Variants in PHACTR1 observed in about 807,000 individuals in gnomAD.
PHACTR1 encodes the protein RPEL repeat containing 1.
In PHACTR1, 16 loss-of-function variants were observed where a neutral mutation model predicts 69.2. That is an observed-to-expected ratio of 0.23 (90% CI 0.16 to 0.35). The LOEUF is 0.35. Among genes scored for constraint, PHACTR1 ranks in the 10% least tolerant of loss-of-function variants. The pLI, the probability that PHACTR1 is intolerant of heterozygous loss-of-function variation, is 1.00. For missense variants in PHACTR1, 510 were observed against 734.7 expected, an observed-to-expected ratio of 0.69 and a Z score of 3.54; for synonymous variants, 312 against 284.5, an observed-to-expected ratio of 1.10 and a Z score of -0.97.
intron 10 of PHACTR1, among the ~76,000 whole-genome samples, chr6:13,241,534 A>G (rs2127374326): frequency 6.6e-6 from 1 of 152,300 alleles, no homozygotes; most frequent in Admixed American, 6.5e-5. Context: ...GCTGGACCTG[A>G]GCTTGAAAGC....
At chr6:12,988,438 G>A (rs1029081744) in intron 4 of PHACTR1, among the ~76,000 whole-genome samples, 12 of 152,136 alleles carry the variant, frequency 7.9e-5, no homozygotes, top group African/African-American at 2.7e-4. Flanking sequence ...GTATTGAAGC[G>A]GAGGCTCCCC....
chr6:12,870,931 A>T (rs763842685), intron 4 of PHACTR1, among the ~76,000 whole-genome samples: 1 of 152,214 alleles, frequency 6.6e-6, no homozygotes, highest in Non-Finnish European at 1.5e-5. Flanking sequence ...AAAGTAGTTA[A>T]TCCTCATACT....
intron 4 of PHACTR1, among the ~76,000 whole-genome samples, chr6:12,958,438 A>T (rs577549650): frequency 4.6e-5 from 7 of 152,314 alleles, no homozygotes; most frequent in African/African-American, 1.7e-4. Flanking sequence ...GGGTTCAGGG[A>T]GAATTTGTGG....
At chr6:13,198,078 C>A (rs1409392776) in intron 7 of PHACTR1, among the ~76,000 whole-genome samples, 2 of 152,200 alleles carry the variant, frequency 1.3e-5, no homozygotes, top group East Asian at 3.8e-4. Flanking sequence ...TGAGTTCCAC[C>A]TTTTCCCGTT....
Position 13,190,198 on chromosome 6 carries a change from A to AT in PHACTR1, c.664+7528dup, listed in dbSNP as rs1215055032. Among the ~76,000 whole-genome samples, 60 of 87,246 alleles carry AT rather than the reference A, an allele frequency of 6.9e-4. 3 individuals are homozygous for AT. Among genetic ancestry groups the AT allele is most frequent in the Middle Eastern group, 0.021 (2 of 94 alleles). 57.2% of individuals were successfully genotyped at this position (87,246 alleles called of 152,430 possible). A position where few individuals can be genotyped will look rare whatever the true frequency, so the allele number is the denominator to read the frequency against. On this transcript the variant is annotated intron_variant, in intron 7 of 14. Transcript: ENST00000332995. Reference sequence around the variant, plus strand: ...GCCACTATGCTCAGCTAATTTTTGTATTTTTTTTTTTTTTTTAGTAGAGGT... The same window carrying AT: ...GCCACTATGCTCAGCTAATTTTTGTATTTTTTTTTTTTTTTTTAGTAGAGGT...
intron 5 of PHACTR1, among the ~76,000 whole-genome samples, chr6:13,084,120 G>A (rs1811876473): frequency 6.6e-6 from 1 of 152,002 alleles, no homozygotes; most frequent in African/African-American, 2.4e-5. Context: ...ACTTGGAACT[G>A]ACCCAAATGT....
At chr6:13,081,157 T>A (rs1420647599) in intron 5 of PHACTR1, among the ~76,000 whole-genome samples, 4 of 152,168 alleles carry the variant, frequency 2.6e-5, no homozygotes, top group African/African-American at 9.7e-5. Context: ...TGGGTTATAG[T>A]AGTAATTGCT....
intron 4 of PHACTR1, among the ~76,000 whole-genome samples, chr6:12,796,195 G>A (rs1370928178): frequency 6.6e-6 from 1 of 152,202 alleles, no homozygotes; most frequent in Non-Finnish European, 1.5e-5. Flanking sequence ...TACAATATTT[G>A]AGTGCCCTTT....
chr6:13,033,252 G>A (rs1285824390), intron 4 of PHACTR1, among the ~76,000 whole-genome samples: 1 of 152,002 alleles, frequency 6.6e-6, no homozygotes, highest in Non-Finnish European at 1.5e-5. Context: ...TTTTTGGCAG[G>A]GCTATGATTT....
intron 4 of PHACTR1, among the ~76,000 whole-genome samples, chr6:13,049,115 G>C (rs9473285): frequency 0.37 from 55,804 of 151,984 alleles, 13,655 homozygotes; most frequent in African/African-American, 0.7. Context: ...ATAATACCCT[G>C]TGTTCCTTGC....
chr6:13,281,503 G>A (rs931666397), intron 12 of PHACTR1: 6 of 321,136 alleles, frequency 1.9e-5, no homozygotes, highest in African/African-American at 8.9e-5. Flanking sequence ...GCAGTGAGCC[G>A]AGATCATTGC....
intron 4 of PHACTR1, among the ~76,000 whole-genome samples, chr6:12,799,185 C>G (rs9472583): frequency 6.6e-6 from 1 of 151,906 alleles, no homozygotes; most frequent in Non-Finnish European, 1.5e-5. Context: ...TGATTCAAAT[C>G]AGTTTTGCTC....
At chr6:13,087,370 A>C (rs935079554) in intron 5 of PHACTR1, among the ~76,000 whole-genome samples, 1 of 151,554 alleles carries the variant, frequency 6.6e-6, no homozygotes, top group African/African-American at 2.4e-5. Context: ...ATTTTATTGT[A>C]TAACCATGAT....
At chr6:12,785,894 C>T (rs543679620) in intron 4 of PHACTR1, among the ~76,000 whole-genome samples, 1 of 152,188 alleles carries the variant, frequency 6.6e-6, no homozygotes, top group Non-Finnish European at 1.5e-5. Context: ...TGTACTCACC[C>T]TATTGCTGAG....
chr6:13,134,561 G>A (rs930769831), intron 5 of PHACTR1, among the ~76,000 whole-genome samples: 1 of 152,040 alleles, frequency 6.6e-6, no homozygotes, highest in Non-Finnish European at 1.5e-5. Flanking sequence ...GGCGGTGCAA[G>A]TTGTGCTTTG....
At chr6:13,025,099 A>T (rs567572082) in intron 4 of PHACTR1, among the ~76,000 whole-genome samples, 6 of 152,058 alleles carry the variant, frequency 3.9e-5, no homozygotes, top group Non-Finnish European at 8.8e-5. Flanking sequence ...CTACAAAAAT[A>T]CAAAAATTAG....
intron 8 of PHACTR1, 39 bp from the exon 9 acceptor site, chr6:13,227,777 C>T: frequency 6.2e-7 from 1 of 1,602,294 alleles, no homozygotes; most frequent in Non-Finnish European, 8.5e-7. Flanking sequence ...AGCACGTTAG[C>T]CAAAGTGAAT....
rs528853910 is a variant in PHACTR1 at position 12,913,217 on chromosome 6, C to A, written c.251-140148C>A. 1.5e-4 allele frequency among the ~76,000 whole-genome samples: 23 copies of A among 152,368 alleles called. No homozygotes were observed. In the South Asian group the frequency reaches 4.3e-3, roughly 29 times the overall value. On this transcript the variant is annotated intron_variant, in intron 4 of 14. Transcript: ENST00000332995. ...AGATCATGCAGAATATGGAACAGCA[C>A]TGGCTCCAGAGGTCATCAGGTGACT...
At chr6:12,802,217 T>C (rs2127678836) in intron 4 of PHACTR1, among the ~76,000 whole-genome samples, 1 of 151,610 alleles carries the variant, frequency 6.6e-6, no homozygotes, top group African/African-American at 2.4e-5. Flanking sequence ...CCAAAGGTGA[T>C]GAGTAGATCT....
Sources: allele counts gnomAD v4.1 joint callset (sites outside exome capture counted in the v4.1 genomes callset), GRCh38; gene constraint gnomAD v4.1.1; transcripts MANE v1.5; gene names NCBI Gene and HGNC (gene_info 2026-07-23, HGNC 2026-07-21).